CHRDL1: variants seen among roughly 807,000 people sequenced by gnomAD.
CHRDL1 encodes chordin like 1, also known as chordin-like protein 1.
Under a neutral mutation model 40.9 loss-of-function variants are expected in CHRDL1, and 19 were observed. The observed-to-expected ratio is 0.46, with a 90% CI of 0.32 to 0.68. The LOEUF (loss-of-function observed/expected upper bound fraction) is 0.68, where lower values mean the gene tolerates loss of function less well. Among genes scored for constraint, CHRDL1 ranks in the 30% least tolerant of loss-of-function variants. The pLI is 0.03. For synonymous variants in CHRDL1, 136 were observed against 123.4 expected (o/e 1.10, Z -0.68); for missense variants, 329 against 352.1 (o/e 0.93, Z 0.53).
intron 2 of CHRDL1, among the ~76,000 whole-genome samples, chrX:110,780,321 T>C (rs980486146): frequency 9.0e-6 from 1 of 111,233 alleles, no homozygotes; most frequent in Non-Finnish European, 1.9e-5. Context: ...CCATGGGTTA[T>C]GTGTATTAAG....
At chrX:110,726,032 C>T (rs1231225395) in intron 4 of CHRDL1, among the ~76,000 whole-genome samples, 1 of 111,437 alleles carries the variant, frequency 9.0e-6, no homozygotes, top group Non-Finnish European at 1.9e-5. Flanking sequence ...ATCTAAAGGG[C>T]TTTACCCCAA....
chrX:110,783,571 G>C (rs2089976381), intron 2 of CHRDL1, among the ~76,000 whole-genome samples: 1 of 111,850 alleles, frequency 8.9e-6, no homozygotes, highest in African/African-American at 3.3e-5. Flanking sequence ...ATATCATCTT[G>C]GACAAAAAGC....
chrX:110,788,702 G>T (rs2148539374), intron 2 of CHRDL1, among the ~76,000 whole-genome samples: 1 of 111,994 alleles, frequency 8.9e-6, no homozygotes, highest in Non-Finnish European at 1.9e-5. Flanking sequence ...GAAATAAGAT[G>T]TACTTTTACT....
chrX:110,708,736 G>C (rs951553375), intron 6 of CHRDL1, among the ~76,000 whole-genome samples: 12 of 111,573 alleles, frequency 1.1e-4, no homozygotes, highest in African/African-American at 3.9e-4. Context: ...TCAGAAGAGA[G>C]TGAATACAGA....
chrX:110,747,143 T>C (rs767107171), intron 4 of CHRDL1, among the ~76,000 whole-genome samples: 1 of 110,695 alleles, frequency 9.0e-6, no homozygotes, highest in South Asian at 3.9e-4. Context: ...CCAAAGGGGT[T>C]CCTGACCAGC....
At chrX:110,726,832 G>C (rs1212062019) in intron 4 of CHRDL1, among the ~76,000 whole-genome samples, 2 of 112,014 alleles carry the variant, frequency 1.8e-5, no homozygotes, top group African/African-American at 6.5e-5. Context: ...TGATGTGTAT[G>C]GTAGGTGCTA....
rs1050851587 is a variant in CHRDL1 at position 110,679,645 on chromosome X, T to A, written c.1157-220A>T. Among the ~76,000 whole-genome samples the A allele has an allele frequency of 2.7e-5, 3 of 111,691 alleles. No homozygotes were observed. In the Admixed American group the frequency reaches 2.8e-4, roughly 11 times the overall value. On this transcript the variant is annotated intron_variant, in intron 10 of 11. Transcript: ENST00000372042. ...ACTGGCTTCCCCTCGGCTTCTCCAG[T>A]GGATGGAGATAAGGGAGATAGTGCT...
At chrX:110,791,721 G>A (rs1044861516) in intron 2 of CHRDL1, among the ~76,000 whole-genome samples, 2 of 110,967 alleles carry the variant, frequency 1.8e-5, no homozygotes, top group Admixed American at 1.9e-4. Flanking sequence ...TTCATAAACT[G>A]AAAGCCTTTG....
At chrX:110,709,891 A>G (rs1326272205) in intron 6 of CHRDL1, among the ~76,000 whole-genome samples, 3 of 111,272 alleles carry the variant, frequency 2.7e-5, no homozygotes, top group Non-Finnish European at 5.7e-5. Context: ...AGTCTGAGCT[A>G]CTTGGGAGGC....
Position 110,781,747 on chromosome X carries a change from T to C in CHRDL1, c.94+10341A>G, listed in dbSNP as rs144329957. ...AAACTCTCTTCCAAACTGTTTAAGA[T>C]TCTGACTTGCAGGAAAGTCTGTTTC... On this transcript the variant is annotated intron_variant, in intron 2 of 11. Transcript: ENST00000372042. Among the ~76,000 whole-genome samples, 816 of 111,891 alleles carry C rather than the reference T, an allele frequency of 7.3e-3. 28 individuals are homozygous for C. The highest frequency in any genetic ancestry group is 0.066 in the Admixed American group (695 of 10,522).
intron 6 of CHRDL1, among the ~76,000 whole-genome samples, chrX:110,718,446 C>T (rs902304729): frequency 2.5e-4 from 28 of 112,464 alleles, no homozygotes; most frequent in African/African-American, 9.0e-4. Flanking sequence ...CAAAATCCTT[C>T]CCATGGCCTT....
intron 4 of CHRDL1, among the ~76,000 whole-genome samples, chrX:110,749,392 G>A (rs963173114): frequency 1.8e-5 from 2 of 111,749 alleles, no homozygotes; most frequent in Non-Finnish European, 3.8e-5. Flanking sequence ...TCCCCCTCCT[G>A]CAGACAGCTT....
At chrX:110,778,982 C>T (rs959073029) in intron 2 of CHRDL1, among the ~76,000 whole-genome samples, 7 of 111,495 alleles carry the variant, frequency 6.3e-5, no homozygotes, top group Non-Finnish European at 1.1e-4. Context: ...TTATCCTTAG[C>T]AAACTAATGC....
chrX:110,742,670 G>A (rs1483859729), intron 4 of CHRDL1, among the ~76,000 whole-genome samples: 2 of 111,180 alleles, frequency 1.8e-5, no homozygotes, highest in African/African-American at 6.6e-5. Context: ...TTCCTCTTTC[G>A]AAAACTTGTC....
chrX:110,690,569 G>T (rs1362657481), intron 8 of CHRDL1, among the ~76,000 whole-genome samples: 1 of 110,420 alleles, frequency 9.1e-6, no homozygotes, highest in Non-Finnish European at 1.9e-5. Flanking sequence ...AGTTTCTTCC[G>T]GATCCTGAAG....
chrX:110,692,020 CA>C (rs2070290301), intron 8 of CHRDL1, among the ~76,000 whole-genome samples: 1 of 110,354 alleles, frequency 9.1e-6, no homozygotes, highest in Non-Finnish European at 1.9e-5. Context: ...AGGCTGGATT[CA>C]AGTTCAAAAT....
intron 2 of CHRDL1, among the ~76,000 whole-genome samples, chrX:110,785,487 T>C (rs767144639): frequency 1.8e-5 from 2 of 111,685 alleles, no homozygotes; most frequent in South Asian, 3.8e-4. Flanking sequence ...ATTCGGGTGA[T>C]GGCTACACTA....
intron 4 of CHRDL1, among the ~76,000 whole-genome samples, chrX:110,751,373 C>T (rs532587062): frequency 1.8e-5 from 2 of 111,714 alleles, no homozygotes; most frequent in Admixed American, 1.9e-4. Context: ...AACAAAGAAC[C>T]CTAATTCTGC....
intron 6 of CHRDL1, among the ~76,000 whole-genome samples, chrX:110,717,640 T>C (rs1456561201): frequency 8.9e-6 from 1 of 111,918 alleles, no homozygotes; most frequent in Non-Finnish European, 1.9e-5. Flanking sequence ...GGGAGAACAA[T>C]AGTACTCCTC....
Sources: gnomAD v4.1 joint callset for allele counts (sites outside exome capture counted in the v4.1 genomes callset) on GRCh38, gnomAD v4.1.1 for gene constraint, MANE v1.5 for transcripts, NCBI Gene and HGNC (gene_info 2026-07-23, HGNC 2026-07-21) for gene names.